The following GOLGA6L22 variants were observed in gnomAD, a reference collection of about 807,000 sequenced individuals.
GOLGA6L22 encodes the protein golgin A6 family like 22, also known as golgin subfamily A member 6-like protein 22.
In GOLGA6L22, 28 loss-of-function variants were observed where a neutral mutation model predicts 77.1. The observed-to-expected ratio is 0.36, with a 90% CI of 0.27 to 0.50. The LOEUF (loss-of-function observed/expected upper bound fraction) is 0.50. Ranked by LOEUF, GOLGA6L22 falls within the 20% of genes least tolerant of loss-of-function variation. The pLI, the probability that GOLGA6L22 is intolerant of heterozygous loss-of-function variation, is 0.97. For synonymous variants in GOLGA6L22, 62 were observed against 185.3 expected, an observed-to-expected ratio of 0.33 and a Z score of 5.41; for missense variants, 250 against 620.4, an observed-to-expected ratio of 0.40 and a Z score of 6.34.
chr15:22,466,489 G>A, exon 8 of GOLGA6L22: 1 of 748,090 alleles, frequency 1.3e-6, no homozygotes, highest in Non-Finnish European at 2.2e-6. Context: ...GGGAGCAGGA[G>A]GAGAAGATAC....
rs200822601 is a variant in GOLGA6L22, at chr15:22,466,554, A to C, written c.2162A>C (p.Glu721Ala). 1.1e-5 allele frequency: 15 copies of C among 1,338,666 alleles called. No individual in the cohort carries two copies. The East Asian group carries it at 1.3e-4, about 11-fold the overall frequency. The allele number at this position is 1,338,666 out of a possible 1,614,324, so 82.9% of individuals were successfully genotyped here. A position where few individuals can be genotyped will look rare whatever the true frequency, so the allele number is the denominator to read the frequency against. Residue 721 changes from glutamate (E) to alanine (A), a missense_variant, in exon 8 of 9, where the codon GAG becomes GCG. By Grantham distance (107) the Glu-to-Ala change is moderately radical. Transcript: ENST00000622895. ...GAAGAGAAGATGGGGGAGCAGGAAGAGAAGATGCAAGAACAGGAGGAGAAG... is the reference window on the plus strand; with the variant it reads ...GAAGAGAAGATGGGGGAGCAGGAAGCGAAGATGCAAGAACAGGAGGAGAAG...
intron 7 of GOLGA6L22, among the ~76,000 whole-genome samples, 176 bp from the exon 8 acceptor site, chr15:22,464,846 AC>A (rs1887627633): frequency 7.9e-6 from 1 of 126,818 alleles, no homozygotes; most frequent in Admixed American, 8.0e-5. Flanking sequence ...ACGGGGTTTC[AC>A]TGTGTTAACC....
chr15:22,466,600 G>A (rs568716211), exon 8 of GOLGA6L22: 1 of 705,642 alleles, frequency 1.4e-6, no homozygotes, highest in Non-Finnish European at 2.4e-6. Flanking sequence ...AGGAGGAGAA[G>A]ATAAGGGAGC....
chr15:22,461,995 C>T, intron 2 of GOLGA6L22, 39 bp from the exon 3 acceptor site: 1 of 1,470,656 alleles, frequency 6.8e-7, no homozygotes, highest in Non-Finnish European at 9.1e-7. Flanking sequence ...TGGATCTCTG[C>T]CTACCCCTAG....
chr15:22,466,009 G>A (rs539635239), exon 8 of GOLGA6L22: 1 of 850,118 alleles, frequency 1.2e-6, no homozygotes, highest in Admixed American at 2.5e-5. Context: ...GGAGGCAGGA[G>A]GAGAAGATAC....
chr15:22,468,916 A>ATGAG (rs1161118738), exon 9 of GOLGA6L22: 2 of 104,120 alleles, frequency 1.9e-5, no homozygotes, highest in Non-Finnish European at 3.7e-5. Flanking sequence ...TTACATTTTG[A>ATGAG]TGAGTTTTAA....
At chr15:22,461,976 C>A in intron 2 of GOLGA6L22, 58 bp from the exon 3 acceptor site, 2 of 1,444,080 alleles carry the variant, frequency 1.4e-6, no homozygotes, top group Non-Finnish European at 1.9e-6. Flanking sequence ...GGGGGCATGT[C>A]TCTTGCTGTG....
intron 5 of GOLGA6L22, among the ~76,000 whole-genome samples, 161 bp from the exon 6 acceptor site, chr15:22,463,680 A>T (rs1207151187): frequency 3.0e-5 from 4 of 132,142 alleles, no homozygotes; most frequent in Admixed American, 2.4e-4. Context: ...AAAGAAAGAA[A>T]AACAAATGAG....
intron 7 of GOLGA6L22, among the ~76,000 whole-genome samples, chr15:22,464,808 C>T (rs561835611): frequency 8.1e-6 from 1 of 123,950 alleles, no homozygotes; most frequent in South Asian, 2.7e-4. Context: ...CCACCACACC[C>T]AGCTAATTTT....
At position 22,465,720 on chromosome 15, in the gene GOLGA6L22, AC is replaced by A; in HGVS notation, c.1330del (p.Gln444ArgfsTer120). On this transcript the variant is annotated frameshift_variant, in exon 8 of 9. Coordinates refer to ENST00000622895, the Ensembl canonical transcript of GOLGA6L22. LOFTEE classifies it high-confidence loss of function. Reference sequence around the variant, plus strand: ...TGGAGGCAGGAGGAGAAGATGCACGACCAGGAGGAGAAGATACGGGAGCAGG... The same window carrying A: ...TGGAGGCAGGAGGAGAAGATGCACGACAGGAGGAGAAGATACGGGAGCAGG... 1 of 1,140,522 alleles carries A rather than the reference AC, an allele frequency of 8.8e-7. No individual in the cohort carries two copies. The highest frequency in any genetic ancestry group is 1.2e-6 in the Non-Finnish European group (1 of 834,778). 70.7% of individuals were successfully genotyped at this position (1,140,522 alleles called of 1,614,324 possible). A position where few individuals can be genotyped will look rare whatever the true frequency, so the allele number is the denominator to read the frequency against.
At chr15:22,464,665 T>C (rs2140803908) in intron 7 of GOLGA6L22, among the ~76,000 whole-genome samples, 1 of 119,666 alleles carries the variant, frequency 8.4e-6, no homozygotes, top group African/African-American at 3.9e-5. Context: ...ATTTATTTAT[T>C]TGAGAAGTAG....
rs1340156573 is a variant in GOLGA6L22 at position 22,462,004 on chromosome 15, A to T, written c.181-30A>T. On this transcript the variant is annotated intron_variant, in intron 2 of 8. Transcript: ENST00000622895. Reference sequence around the variant, plus strand: ...TTGCTGTGGATCTCTGCCTACCCCTAGTAAGAGCTCTGTTTTCCTCTTTCT... The same window carrying T: ...TTGCTGTGGATCTCTGCCTACCCCTTGTAAGAGCTCTGTTTTCCTCTTTCT... 11 of 1,468,666 alleles carry T rather than the reference A, an allele frequency of 7.5e-6. 2 individuals are homozygous for T. The highest frequency in any genetic ancestry group is 1.0e-5 in the Non-Finnish European group (11 of 1,102,480). The allele number at this position is 1,468,666 out of a possible 1,614,324, so 91.0% of individuals were successfully genotyped here. A position where few individuals can be genotyped will look rare whatever the true frequency, so the allele number is the denominator to read the frequency against.
At chr15:22,466,517 A>T (rs2140811729) in exon 8 of GOLGA6L22, 1 of 1,192,460 alleles carries the variant, frequency 8.4e-7, no homozygotes, top group Non-Finnish European at 1.2e-6. Flanking sequence ...GGAGGAGATG[A>T]TGCAGGAACA....
exon 8 of GOLGA6L22, chr15:22,465,665 G>A (rs1566905957): frequency 3.1e-6 from 3 of 968,842 alleles, no homozygotes; most frequent in African/African-American, 3.8e-5. Flanking sequence ...CGAGCAGGAG[G>A]AGAAGATACG....
chr15:22,466,959 G>T, intron 8 of GOLGA6L22, 134 bp downstream of exon 8: 2 of 354,100 alleles, frequency 5.6e-6, no homozygotes, highest in Non-Finnish European at 9.4e-6. Context: ...AGCAGATGGT[G>T]GTTGGCTCCC....
exon 8 of GOLGA6L22, chr15:22,466,332 G>C (rs561555700): frequency 3.2e-6 from 4 of 1,242,956 alleles, no homozygotes; most frequent in East Asian, 2.6e-5. Context: ...GAGAAGATAC[G>C]AGAGCAGGAG....
exon 8 of GOLGA6L22, chr15:22,466,588 G>A: frequency 9.4e-7 from 1 of 1,065,172 alleles, no homozygotes; most frequent in Non-Finnish European, 1.3e-6. Flanking sequence ...AGATGCGGAG[G>A]CAGGAGGAGA....
At chr15:22,463,329 G>T (rs1468460509) in intron 5 of GOLGA6L22, among the ~76,000 whole-genome samples, 3 of 147,392 alleles carry the variant, frequency 2.0e-5, no homozygotes, top group Non-Finnish European at 4.5e-5. Flanking sequence ...CTCTTTCCCT[G>T]TCCCTTCCAC....
At chr15:22,465,766 G>A (rs766060912) in exon 8 of GOLGA6L22, 1 of 1,400,648 alleles carries the variant, frequency 7.1e-7, no homozygotes, top group African/African-American at 2.1e-5. Context: ...TGTGGAGGCA[G>A]GAGGAGAAGA....
Sources: allele counts gnomAD v4.1 joint callset (sites outside exome capture counted in the v4.1 genomes callset), GRCh38; gene constraint gnomAD v4.1.1; transcripts MANE v1.5; gene names NCBI Gene and HGNC (gene_info 2026-07-23, HGNC 2026-07-21).